The following EGFR variants were observed in gnomAD, a reference collection of about 807,000 sequenced individuals.
EGFR encodes avian erythroblastic leukemia viral (v-erb-b) oncogene homolog.
A neutral mutation model predicts 143.0 loss-of-function variants in EGFR; 58 were observed. That is an observed-to-expected ratio of 0.41 (90% confidence interval 0.33 to 0.50). EGFR has a LOEUF of 0.50. EGFR is among the 20% of genes least tolerant of loss of function. The pLI is 0.39. For missense variants in EGFR, 1,307 were observed against 1,579.0 expected (o/e 0.83, Z 2.92); for synonymous variants, 613 against 594.4 (o/e 1.03, Z -0.45).
chr7:55,094,053 T>C (rs6958497), intron 1 of EGFR, among the ~76,000 whole-genome samples: 20,536 of 152,182 alleles, frequency 0.13, 2,713 homozygotes, highest in African/African-American at 0.34. Context: ...TGAAACCCAT[T>C]GTACACAGCT....
chr7:55,043,648 G>A (rs1788028073), intron 1 of EGFR, among the ~76,000 whole-genome samples: 1 of 152,160 alleles, frequency 6.6e-6, no homozygotes, highest in African/African-American at 2.4e-5. Context: ...ACAGGTGTGA[G>A]CCACCGTGCC....
chr7:55,154,413 C>T (rs1785310570), intron 7 of EGFR, among the ~76,000 whole-genome samples: 1 of 152,220 alleles, frequency 6.6e-6, no homozygotes, highest in African/African-American at 2.4e-5. Context: ...CAGGCCACCT[C>T]ACAGGAGAAA....
chr7:55,068,940 T>C lies in EGFR; in HGVS notation c.88+49575T>C, dbSNP rs541487266. Among the ~76,000 whole-genome samples, 3 of 152,222 alleles carry C rather than the reference T, an allele frequency of 2.0e-5. No homozygotes were observed. The South Asian group carries it at 6.2e-4, about 32-fold the overall frequency. On this transcript the variant is annotated intron_variant, in intron 1 of 27. Coordinates refer to ENST00000275493, the MANE Select transcript of EGFR (RefSeq NM_005228.5). ...GGCACAGGGAAAAGGCATCTGGTCA[T>C]GTATTTGGAGTAGGAGGTCTTGCTT...
intron 24 of EGFR, 110 bp downstream of exon 24, chr7:55,200,523 T>A: frequency 9.1e-7 from 1 of 1,093,098 alleles, no homozygotes; most frequent in Non-Finnish European, 1.4e-6. Flanking sequence ...CAGATCGCAT[T>A]ATTAAACCCT....
chr7:55,168,937 T>C (rs923167721), intron 15 of EGFR, among the ~76,000 whole-genome samples: 3 of 152,156 alleles, frequency 2.0e-5, no homozygotes, highest in Admixed American at 1.3e-4. Flanking sequence ...TCTCCATTTC[T>C]ATTGTTAAAG....
intron 1 of EGFR, among the ~76,000 whole-genome samples, chr7:55,108,616 G>A (rs17289406): frequency 9.2e-4 from 140 of 152,340 alleles, no homozygotes; most frequent in Non-Finnish European, 1.6e-3. Context: ...AAGAACTGGC[G>A]TGAGTTAGTC....
intron 1 of EGFR, among the ~76,000 whole-genome samples, chr7:55,028,275 G>T (rs1787050939): frequency 6.6e-6 from 1 of 151,930 alleles, no homozygotes; most frequent in Admixed American, 6.6e-5. Context: ...TAAAATTGAT[G>T]CATTGCACAT....
At chr7:55,091,931 G>T (rs1791152455) in intron 1 of EGFR, among the ~76,000 whole-genome samples, 1 of 151,584 alleles carries the variant, frequency 6.6e-6, no homozygotes, top group African/African-American at 2.4e-5. Context: ...TAAAGAGAGA[G>T]AACTAAAGTT....
intron 1 of EGFR, among the ~76,000 whole-genome samples, chr7:55,041,138 C>T (rs1263689442): frequency 2.6e-5 from 4 of 152,200 alleles, no homozygotes; most frequent in South Asian, 2.1e-4. Flanking sequence ...AAAATCCAGG[C>T]GCAGTGGCTC....
intron 23 of EGFR, 99 bp downstream of exon 23, chr7:55,198,962 C>G: frequency 6.7e-7 from 1 of 1,486,336 alleles, no homozygotes; most frequent in Non-Finnish European, 9.2e-7. Context: ...GAAATGTCAT[C>G]ACATTACTTA....
intron 1 of EGFR, among the ~76,000 whole-genome samples, chr7:55,133,248 G>T (rs1490291867): frequency 6.6e-6 from 1 of 152,200 alleles, no homozygotes; most frequent in Non-Finnish European, 1.5e-5. Context: ...GTTGCACCCT[G>T]GCAGGCAGCA....
At chr7:55,093,628 T>C (rs1447318790) in intron 1 of EGFR, among the ~76,000 whole-genome samples, 2 of 152,230 alleles carry the variant, frequency 1.3e-5, no homozygotes, top group African/African-American at 2.4e-5. Flanking sequence ...TTTCTGTTCA[T>C]ATCTGTGGAC....
chr7:55,106,459 G>A (rs897426039), intron 1 of EGFR, among the ~76,000 whole-genome samples: 2 of 152,144 alleles, frequency 1.3e-5, no homozygotes, highest in South Asian at 4.1e-4. Flanking sequence ...AATCAGTTTT[G>A]CCCTGCTCAT....
intron 27 of EGFR, 92 bp from the exon 28 acceptor site, chr7:55,205,164 G>T (rs550770427): frequency 1.3e-6 from 2 of 1,556,086 alleles, no homozygotes; most frequent in Admixed American, 1.9e-5. Context: ...AAGTCTCCTT[G>T]TTGAGGACAT....
intron 1 of EGFR, among the ~76,000 whole-genome samples, chr7:55,133,057 C>T (rs909240605): frequency 1.3e-5 from 2 of 152,190 alleles, no homozygotes; most frequent in Non-Finnish European, 2.9e-5. Context: ...TATTACTCAG[C>T]CTTTGTCATC....
chr7:55,155,853 G>A lies in EGFR; in HGVS notation c.913G>A (p.Gly305Ser), dbSNP rs1278838499. ...CPRNYVVTDH[G>S]SCVRACGADS... ...AGGTAATTATGTGGTGACAGATCAC[G>A]GCTCGTGCGTCCGAGCCTGTGGGGC... Residue 305 changes from glycine to serine, a missense_variant, in exon 8 of 28, where the codon GGC becomes AGC. Coordinates refer to ENST00000275493, the MANE Select transcript of EGFR (RefSeq NM_005228.5). 1.9e-6 allele frequency: 3 copies of A among 1,613,992 alleles called. No homozygotes were observed. Among genetic ancestry groups the A allele is most frequent in the East Asian group, 2.2e-5 (1 of 44,838 alleles).
At chr7:55,113,856 G>T (rs904761253) in intron 1 of EGFR, among the ~76,000 whole-genome samples, 1 of 152,208 alleles carries the variant, frequency 6.6e-6, no homozygotes, top group South Asian at 2.1e-4. Flanking sequence ...GAAAGTAGGT[G>T]CCTGCCTTCC....
chr7:55,181,554 A>G (rs984301170), intron 20 of EGFR, 76 bp downstream of exon 20: 16 of 1,580,132 alleles, frequency 1.0e-5, no homozygotes, highest in African/African-American at 1.3e-5. Flanking sequence ...CTCCTGGGAT[A>G]GCAAGAGTTT....
At chr7:55,146,250 C>CT (rs1443915219) in intron 3 of EGFR, among the ~76,000 whole-genome samples, 5 of 152,028 alleles carry the variant, frequency 3.3e-5, no homozygotes, top group African/African-American at 1.2e-4. Flanking sequence ...TGCCTACCCC[C>CT]TACATCATGC....
Sources: allele counts gnomAD v4.1 joint callset (sites outside exome capture counted in the v4.1 genomes callset), GRCh38; gene constraint gnomAD v4.1.1; transcripts MANE v1.5; gene names NCBI Gene and HGNC (gene_info 2026-07-23, HGNC 2026-07-21).